The following HNRNPR variants were observed in gnomAD, a reference collection of about 807,000 sequenced individuals.
The protein encoded by HNRNPR is heterogeneous nuclear ribonucleoprotein R.
HNRNPR carries 4 observed loss-of-function variants against 70.3 expected under a neutral mutation model. That is an observed-to-expected ratio of 0.06 (90% CI 0.03 to 0.13). The LOEUF (loss-of-function observed/expected upper bound fraction) is 0.13, where lower values mean the gene tolerates loss of function less well. HNRNPR is among the 10% of genes least tolerant of loss of function. The pLI, the probability that HNRNPR is intolerant of heterozygous loss-of-function variation, is 1.00. For missense variants in HNRNPR, 423 were observed against 788.5 expected (o/e 0.54, Z 5.55); for synonymous variants, 241 against 267.6 (o/e 0.90, Z 0.97).
chr1:23,333,880 T>C (rs1646346762), intron 4 of HNRNPR, among the ~76,000 whole-genome samples: 1 of 152,162 alleles, frequency 6.6e-6, no homozygotes, highest in African/African-American at 2.4e-5. Context: ...GCTTCTCTCA[T>C]TTACTATTAC....
chr1:23,310,392 TG>T lies in HNRNPR; in HGVS notation c.*61del. 1 of 1,481,300 alleles carries T rather than the reference TG, an allele frequency of 6.8e-7. No individual in the cohort carries two copies. The highest frequency in any genetic ancestry group is 1.4e-5 in the African/African-American group (1 of 71,242). The allele number at this position is 1,481,300 out of a possible 1,614,324, so 91.8% of individuals were successfully genotyped here. On this transcript the variant is annotated 3_prime_UTR_variant, in exon 11 of 11. Transcript: ENST00000302271. This position sits in a 1 kb window ranked among gnomAD's most constrained non-coding sequence, Gnocchi z 6.0. ...AAACAGTTAAGCCAATTTTTTTTTT[TG>T]AAGAATGTAGATCTAGAGCCAATCG...
At chr1:23,320,911 A>C (rs1434505577) in intron 7 of HNRNPR, among the ~76,000 whole-genome samples, 2 of 152,178 alleles carry the variant, frequency 1.3e-5, no homozygotes, top group Admixed American at 1.3e-4. Flanking sequence ...TCACGCCTGT[A>C]ATCCCAGCAC....
chr1:23,340,856 C>A lies in HNRNPR; in HGVS notation c.153G>T (p.Gln51His). 1 of 1,610,782 alleles carries A rather than the reference C, an allele frequency of 6.2e-7. No homozygotes were observed. Among genetic ancestry groups the A allele is most frequent in the Non-Finnish European group, 8.5e-7 (1 of 1,178,680 alleles). Reference sequence around the variant, plus strand: ...AACAAGAAATGCATATTATACCTGTCTGAAATATTTCATCAAGTCTTTCTG... The same window carrying A: ...AACAAGAAATGCATATTATACCTGTATGAAATATTTCATCAAGTCTTTCTG... ...KVAERLDEIF[Q>H]TGLVAYVDLD... Residue 51 changes from glutamine (Q) to histidine (H), a missense_variant, in exon 2 of 11, where the codon CAG becomes CAT. Physicochemically the swap from Gln to His is conservative, Grantham distance 24. Around this residue, in one of 7 missense-constraint regions of HNRNPR, gnomAD observed 44 missense variants for 89.0 expected, o/e 0.49. Transcript: ENST00000302271.
rs1645188133 is a variant in HNRNPR, at chr1:23,305,364, A to G, written c.*5090T>C. 6.6e-6 allele frequency: 1 copy of G among 152,182 alleles called. No individual in the cohort carries two copies. The highest frequency in any genetic ancestry group is 1.5e-5 in the Non-Finnish European group (1 of 68,014). 9.4% of individuals were successfully genotyped at this position (152,182 alleles called of 1,614,324 possible). A position where few individuals can be genotyped will look rare whatever the true frequency, so the allele number is the denominator to read the frequency against. ...TCACTACAATTCTTAAAAGTATTAC[A>G]TAATTTCATTCTAGTGTTGTACAAC... is the stretch of plus-strand genomic sequence containing the variant. On this transcript the variant is annotated 3_prime_UTR_variant, in exon 11 of 11. Coordinates refer to ENST00000302271, the MANE Select transcript of HNRNPR (RefSeq NM_005826.5).
chr1:23,331,828 T>C (rs1646238374), intron 5 of HNRNPR, among the ~76,000 whole-genome samples: 1 of 54,782 alleles, frequency 1.8e-5, no homozygotes, highest in African/African-American at 5.4e-5. Context: ...AGTGAGACTG[T>C]TTCTTTAAAA....
In HNRNPR at chr1:23,310,927, A is replaced by T. The variant is rs1453239310; in HGVS notation, c.1429T>A (p.Tyr477Asn). 3.1e-6 allele frequency: 5 copies of T among 1,614,142 alleles called. No homozygotes were observed. The highest frequency in any genetic ancestry group is 4.2e-6 in the Non-Finnish European group (5 of 1,180,022). Residue 477 changes from tyrosine to asparagine, a missense_variant, in exon 11 of 11, where the codon TAT (tyrosine) becomes AAT (asparagine). By Grantham distance (143) the Tyr-to-Asn change is moderately radical (BLOSUM62 -2). Coordinates refer to ENST00000302271, the MANE Select transcript of HNRNPR (RefSeq NM_005826.5). This position sits in a 1 kb window ranked among gnomAD's most constrained non-coding sequence, Gnocchi z 6.0. ...CCTCCACGATAGTCGTGATAATCAT[A>T]ACCATAGTAATCATCATAGTAATCT... ...YEDYYDDYYG[Y>N]DYHDYRGGYE...
At chr1:23,317,283 C>CA (rs1645581964) in intron 8 of HNRNPR, among the ~76,000 whole-genome samples, 2 of 151,762 alleles carry the variant, frequency 1.3e-5, no homozygotes, top group South Asian at 2.1e-4. Flanking sequence ...ATGGTGAAAC[C>CA]CCGTCTCTAC....
Position 23,308,170 on chromosome 1 carries a change from A to G in HNRNPR, c.*2284T>C, listed in dbSNP as rs1241964484. On this transcript the variant is annotated 3_prime_UTR_variant, in exon 11 of 11. Coordinates refer to ENST00000302271, the MANE Select transcript of HNRNPR (RefSeq NM_005826.5). ...AATATTAGAGGGTACCTCTGCAAAT[A>G]TATTTTTAATTAGTGAAAAGGACAG... 1.3e-5 allele frequency: 2 copies of G among 152,114 alleles called. No individual in the cohort carries two copies. The highest frequency in any genetic ancestry group is 4.8e-5 in the African/African-American group (2 of 41,466). The allele number at this position is 152,114 out of a possible 1,614,324, so 9.4% of individuals were successfully genotyped here. A position where few individuals can be genotyped will look rare whatever the true frequency, so the allele number is the denominator to read the frequency against.
chr1:23,310,167 A>C lies in HNRNPR; in HGVS notation c.*287T>G. The C allele has an allele frequency of 3.8e-6, 1 of 262,380 alleles. No individual in the cohort carries two copies. The allele number at this position is 262,380 out of a possible 1,614,324, so 16.3% of individuals were successfully genotyped here. The stretch of plus-strand genomic sequence containing the variant: ...AGGTTCTGCAAAATCATGATTTAAC[A>C]GTGTGCCCAGCTTGTTTTGAAGCTA... On this transcript the variant is annotated 3_prime_UTR_variant, in exon 11 of 11. Transcript: ENST00000302271. This position sits in a 1 kb window ranked among gnomAD's most constrained non-coding sequence, Gnocchi z 6.0.
Position 23,318,340 on chromosome 1 carries a change from T to C in HNRNPR, c.1017+143A>G, listed in dbSNP as rs139943398. The C allele has an allele frequency of 1.5e-6, 1 of 649,402 alleles. No homozygotes were observed. The highest frequency in any genetic ancestry group is 2.7e-5 in the East Asian group (1 of 36,596). The allele number at this position is 649,402 out of a possible 1,614,324, so 40.2% of individuals were successfully genotyped here. On this transcript the variant is annotated intron_variant, in intron 8 of 10. Transcript: ENST00000302271. The surrounding 1 kb of genome is among the most constrained non-coding windows in gnomAD (Gnocchi z 4.2). ...GGATACCAAGACAGGCTGTTAACTT[T>C]AGTGTTAAAGCCGCTCCTTGCCAAA...
chr1:23,334,024 T>C (rs1397854452), intron 4 of HNRNPR, among the ~76,000 whole-genome samples: 1 of 151,040 alleles, frequency 6.6e-6, no homozygotes, highest in African/African-American at 2.4e-5. Flanking sequence ...AGAGATTCTC[T>C]TGTCTCAGCC....
chr1:23,341,833 TA>T (rs929172709), intron 1 of HNRNPR, among the ~76,000 whole-genome samples: 1 of 152,192 alleles, frequency 6.6e-6, no homozygotes, highest in African/African-American at 2.4e-5. Context: ...CTAATTAGGC[TA>T]AACTTCAGCC....
At position 23,340,836 on chromosome 1, in the gene HNRNPR, G is replaced by A. The variant is rs774072114; in HGVS notation, c.157+16C>T. 1 of 1,589,358 alleles carries A rather than the reference G, an allele frequency of 6.3e-7. No individual in the cohort carries two copies. Among genetic ancestry groups the A allele is most frequent in the Non-Finnish European group, 8.6e-7 (1 of 1,169,322 alleles). On this transcript the variant is annotated intron_variant, in intron 2 of 10. Coordinates refer to ENST00000302271, the MANE Select transcript of HNRNPR (RefSeq NM_005826.5). ...CACTTTCATAACCAGTCAGAAACAAGAAATGCATATTATACCTGTCTGAAA... is the reference window on the plus strand; with the variant it reads ...CACTTTCATAACCAGTCAGAAACAAAAAATGCATATTATACCTGTCTGAAA...
chr1:23,333,736 A>G, intron 4 of HNRNPR, 105 bp from the exon 5 acceptor site: 1 of 598,890 alleles, frequency 1.7e-6, no homozygotes, highest in Non-Finnish European at 2.9e-6. Context: ...TAGGAGATAT[A>G]TTTTTATGGT....
At chr1:23,312,973 A>G (rs1427850687) in intron 9 of HNRNPR, among the ~76,000 whole-genome samples, 1 of 152,210 alleles carries the variant, frequency 6.6e-6, no homozygotes, top group African/African-American at 2.4e-5. Context: ...TCCAGATACC[A>G]TATGAAAATA....
chr1:23,333,404 C>T (rs1401180260), intron 5 of HNRNPR, 114 bp downstream of exon 5: 2 of 611,258 alleles, frequency 3.3e-6, no homozygotes, highest in African/African-American at 3.7e-5. Context: ...AAACTAACAA[C>T]AGCTACACTT....
At chr1:23,332,494 T>C (rs1250767335) in intron 5 of HNRNPR, among the ~76,000 whole-genome samples, 1 of 147,788 alleles carries the variant, frequency 6.8e-6, no homozygotes, top group Non-Finnish European at 1.5e-5. Context: ...CCTGAGGTCA[T>C]GAGTTCAAGA....
intron 2 of HNRNPR, among the ~76,000 whole-genome samples, chr1:23,339,560 G>A (rs75513490): frequency 0.028 from 4,235 of 152,138 alleles, 188 homozygotes; most frequent in African/African-American, 0.092. Flanking sequence ...CAAGTATTTC[G>A]TAGATTAAAA....
intron 9 of HNRNPR, 50 bp from the exon 10 acceptor site, chr1:23,311,372 G>T: frequency 8.3e-7 from 1 of 1,203,780 alleles, no homozygotes; most frequent in Non-Finnish European, 1.2e-6. Flanking sequence ...ACTGTATTTT[G>T]TTTTATATAG....
Sources: allele counts gnomAD v4.1 joint callset (sites outside exome capture counted in the v4.1 genomes callset), GRCh38; gene constraint gnomAD v4.1.1; regional missense constraint gnomAD v4.1.1; non-coding constraint Gnocchi (gnomAD v3.1); transcripts MANE v1.5; gene names NCBI Gene and HGNC (gene_info 2026-07-23, HGNC 2026-07-21).